The following LIPI variants were observed in gnomAD, a reference collection of about 807,000 sequenced individuals.
LIPI encodes the protein lipase I.
In LIPI, 59 loss-of-function variants were observed where a neutral mutation model predicts 50.6. The ratio of observed to expected loss-of-function variants is 1.16; its 90% CI spans 0.94 to 1.45. The LOEUF is 1.45. LIPI is among the 40% of genes most tolerant of loss of function. LIPI has a pLI of 0.00. For missense variants in LIPI, 586 were observed against 536.3 expected (o/e 1.09, Z -0.92); for synonymous variants, 203 against 178.2 (o/e 1.14, Z -1.11).
chr21:14,200,539 T>C (rs1295810912), intron 1 of LIPI, among the ~76,000 whole-genome samples: 3 of 151,800 alleles, frequency 2.0e-5, no homozygotes, highest in Non-Finnish European at 4.4e-5. Context: ...TAGGAATACA[T>C]CTAACTAACT....
chr21:14,210,861 A>C lies in LIPI; in HGVS notation c.-16T>G. ...ATACTCTCATTTGGAATCTGAGAAA[A>C]GCAAAAACAGCACTCAATTCACCAA... On this transcript the variant is annotated 5_prime_UTR_variant, in exon 1 of 10. Coordinates refer to ENST00000681601, the MANE Select transcript of LIPI (RefSeq NM_001302998.2). 6 of 1,230,510 alleles carry C rather than the reference A, an allele frequency of 4.9e-6. No homozygotes were observed. Among genetic ancestry groups the C allele is most frequent in the South Asian group, 1.4e-5 (1 of 70,826 alleles). 76.2% of individuals were successfully genotyped at this position (1,230,510 alleles called of 1,614,324 possible). A position where few individuals can be genotyped will look rare whatever the true frequency, so the allele number is the denominator to read the frequency against.
chr21:14,134,546 A>G (rs2017419130), intron 9 of LIPI, among the ~76,000 whole-genome samples: 1 of 152,310 alleles, frequency 6.6e-6, no homozygotes, highest in East Asian at 1.9e-4. Flanking sequence ...AAATTATACT[A>G]CAAGGCTAGA....
At chr21:14,136,115 C>T (rs1036612056) in intron 9 of LIPI, among the ~76,000 whole-genome samples, 1 of 152,176 alleles carries the variant, frequency 6.6e-6, no homozygotes, top group Non-Finnish European at 1.5e-5. Context: ...GTCCTGACAG[C>T]ATTCATCACC....
At chr21:14,194,928 C>A (rs2019793983) in intron 1 of LIPI, among the ~76,000 whole-genome samples, 1 of 152,092 alleles carries the variant, frequency 6.6e-6, no homozygotes, top group African/African-American at 2.4e-5. Flanking sequence ...ACAACCAGAA[C>A]AGTGGATAAA....
At chr21:14,151,202 G>T (rs2018077739) in intron 8 of LIPI, among the ~76,000 whole-genome samples, 1 of 152,132 alleles carries the variant, frequency 6.6e-6, no homozygotes, top group African/African-American at 2.4e-5. Context: ...ATGAGCTATG[G>T]CTACTTTTTA....
chr21:14,196,685 G>A (rs2019871967), intron 1 of LIPI, among the ~76,000 whole-genome samples: 1 of 151,978 alleles, frequency 6.6e-6, no homozygotes, highest in Non-Finnish European at 1.5e-5. Flanking sequence ...AAAAATCTAG[G>A]TCTGGTAGTG....
At chr21:14,129,763 T>C (rs1421150856) in intron 9 of LIPI, among the ~76,000 whole-genome samples, 1 of 150,304 alleles carries the variant, frequency 6.7e-6, no homozygotes, top group East Asian at 1.9e-4. Context: ...AAAACCTAAG[T>C]ATAATAATCT....
intron 7 of LIPI, among the ~76,000 whole-genome samples, chr21:14,158,878 A>G (rs751828847): frequency 6.6e-6 from 1 of 151,236 alleles, no homozygotes; most frequent in Non-Finnish European, 1.5e-5. Context: ...TCACAATTCA[A>G]CACCTTAAAA....
chr21:14,185,680 C>A (rs954510315), intron 3 of LIPI, among the ~76,000 whole-genome samples: 14 of 152,016 alleles, frequency 9.2e-5, no homozygotes, highest in Non-Finnish European at 1.6e-4. Flanking sequence ...GAGTTAGAGA[C>A]CAGTCTGGCC....
At chr21:14,114,290 G>T (rs532506863) in intron 9 of LIPI, among the ~76,000 whole-genome samples, 30 of 152,130 alleles carry the variant, frequency 2.0e-4, no homozygotes, top group Admixed American at 1.0e-3. Context: ...TCCCTCTCAT[G>T]ACATGTGGGG....
chr21:14,150,599 T>G (rs568495231), intron 8 of LIPI, among the ~76,000 whole-genome samples: 26 of 152,330 alleles, frequency 1.7e-4, no homozygotes, highest in African/African-American at 6.0e-4. Flanking sequence ...TGAATCAATT[T>G]AATAGCCAAA....
At chr21:14,164,882 A>G (rs977059229) in intron 6 of LIPI, among the ~76,000 whole-genome samples, 1 of 152,196 alleles carries the variant, frequency 6.6e-6, no homozygotes, top group Non-Finnish European at 1.5e-5. Flanking sequence ...CAGTGTTGCC[A>G]AGACTGTGCA....
At chr21:14,206,354 C>CATTCTT (rs2020224533) in intron 1 of LIPI, among the ~76,000 whole-genome samples, 2 of 152,246 alleles carry the variant, frequency 1.3e-5, no homozygotes, top group South Asian at 4.1e-4. Context: ...GTTACTGTAA[C>CATTCTT]ATTCTTTGAT....
At chr21:14,159,125 CT>C (rs913996214) in intron 7 of LIPI, among the ~76,000 whole-genome samples, 9 of 151,330 alleles carry the variant, frequency 5.9e-5, no homozygotes, top group East Asian at 1.9e-4. Flanking sequence ...AACTTGCCCA[CT>C]TTTTTTATGA....
At chr21:14,160,134 A>C (rs1180719620) in intron 7 of LIPI, among the ~76,000 whole-genome samples, 1 of 151,404 alleles carries the variant, frequency 6.6e-6, no homozygotes, top group Non-Finnish European at 1.5e-5. Context: ...GTTATGCTAA[A>C]ATTTATATTG....
chr21:14,127,349 A>G (rs1322226198), intron 9 of LIPI, among the ~76,000 whole-genome samples: 1 of 152,222 alleles, frequency 6.6e-6, no homozygotes, highest in East Asian at 1.9e-4. Context: ...ACTTAAGCAT[A>G]CATTGATCCA....
intron 4 of LIPI, among the ~76,000 whole-genome samples, chr21:14,179,906 C>G (rs2019214493): frequency 6.6e-6 from 1 of 152,184 alleles, no homozygotes; most frequent in South Asian, 2.1e-4. Context: ...TAAGGTCTGA[C>G]TGCCTGTGGG....
chr21:14,190,526 T>C (rs1009587386), intron 1 of LIPI, among the ~76,000 whole-genome samples: 2 of 152,196 alleles, frequency 1.3e-5, no homozygotes, highest in African/African-American at 4.8e-5. Flanking sequence ...AGAGGTAACG[T>C]ATTATTTTAA....
intron 9 of LIPI, among the ~76,000 whole-genome samples, chr21:14,109,328 T>G (rs1490386552): frequency 6.6e-6 from 1 of 152,116 alleles, no homozygotes. Flanking sequence ...ACTGCTTTAT[T>G]GGAAAACTTA....
Sources: allele counts gnomAD v4.1 joint callset (sites outside exome capture counted in the v4.1 genomes callset), GRCh38; gene constraint gnomAD v4.1.1; transcripts MANE v1.5; gene names NCBI Gene and HGNC (gene_info 2026-07-23, HGNC 2026-07-21).